The following SEMA6D variants were observed in gnomAD, a reference collection of about 807,000 sequenced individuals.
SEMA6D encodes semaphorin-6D.
A neutral mutation model predicts 106.6 loss-of-function variants in SEMA6D; 35 were observed. That is an observed-to-expected ratio of 0.33 (90% CI 0.25 to 0.44). SEMA6D has a LOEUF of 0.44. Among genes scored for constraint, SEMA6D ranks in the 20% least tolerant of loss-of-function variants. The pLI, the probability that SEMA6D is intolerant of heterozygous loss-of-function variation, is 1.00. For missense variants in SEMA6D, 1,185 were observed against 1,345.9 expected (o/e 0.88, Z 1.87); for synonymous variants, 499 against 487.7 (o/e 1.02, Z -0.31).
chr15:47,364,795 A>C (rs2038953172), intron 1 of SEMA6D, among the ~76,000 whole-genome samples: 1 of 148,676 alleles, frequency 6.7e-6, no homozygotes, highest in East Asian at 2.0e-4. Context: ...GATTCAGGAC[A>C]CAAATGATTC....
intron 2 of SEMA6D, among the ~76,000 whole-genome samples, chr15:47,465,515 C>G (rs1345478350): frequency 1.3e-5 from 2 of 152,168 alleles, no homozygotes; most frequent in African/African-American, 4.8e-5. Flanking sequence ...TGTGTCCCCA[C>G]CCAAATCTCA....
chr15:47,529,603 T>TA (rs67339779), intron 3 of SEMA6D, among the ~76,000 whole-genome samples: 78,421 of 135,614 alleles, frequency 0.58, 23,032 homozygotes, highest in South Asian at 0.66. Context: ...TCTGTAGCAC[T>TA]AAAAAAAAAA....
intron 1 of SEMA6D, among the ~76,000 whole-genome samples, chr15:47,230,708 C>T (rs1456743877): frequency 6.6e-6 from 1 of 151,952 alleles, no homozygotes; most frequent in Non-Finnish European, 1.5e-5. Flanking sequence ...GTAATAAATG[C>T]ACATTCTTAG....
In SEMA6D at chr15:47,450,330, G is replaced by C. The variant is rs540278711; in HGVS notation, c.-158-20144G>C. On this transcript the variant is annotated intron_variant, in intron 2 of 19. Coordinates refer to the SEMA6D transcript ENST00000558014. ...GCCTATGATGTGCTAGATGATACTG[G>C]AATGCAATGCTCCCACCTCCAGTAT... 2.0e-5 allele frequency among the ~76,000 whole-genome samples: 3 copies of C among 152,138 alleles called. No individual in the cohort carries two copies. The South Asian group carries it at 6.2e-4, about 32-fold the overall frequency.
intron 4 of SEMA6D, among the ~76,000 whole-genome samples, chr15:47,616,762 C>T (rs544708126): frequency 1.3e-5 from 2 of 152,114 alleles, no homozygotes; most frequent in Non-Finnish European, 2.9e-5. Context: ...GACTGTACAC[C>T]CAGTGTTGTA....
At chr15:47,711,362 A>C (rs1422705893) in intron 4 of SEMA6D, among the ~76,000 whole-genome samples, 1 of 151,412 alleles carries the variant, frequency 6.6e-6, no homozygotes, top group East Asian at 1.9e-4. Flanking sequence ...TTACTCGCTG[A>C]CTGGCAATTG....
At chr15:47,586,330 A>G (rs1201662174) in intron 3 of SEMA6D, among the ~76,000 whole-genome samples, 1 of 152,220 alleles carries the variant, frequency 6.6e-6, no homozygotes, top group East Asian at 1.9e-4. Context: ...CAGCACTTTA[A>G]TTTAGAAGAT....
intron 4 of SEMA6D, among the ~76,000 whole-genome samples, chr15:47,699,569 C>A (rs567041881): frequency 6.6e-6 from 1 of 152,264 alleles, no homozygotes; most frequent in Non-Finnish European, 1.5e-5. Flanking sequence ...ACATAAGCTA[C>A]CAGCAACAGA....
chr15:47,611,832 T>C (rs1423588885), intron 4 of SEMA6D, among the ~76,000 whole-genome samples: 1 of 152,202 alleles, frequency 6.6e-6, no homozygotes, highest in Non-Finnish European at 1.5e-5. Flanking sequence ...TTGGAGAGAC[T>C]GTGGTTTTGA....
chr15:47,700,640 A>G lies in SEMA6D; in HGVS notation c.-54-59105A>G, dbSNP rs573178907. On this transcript the variant is annotated intron_variant, in intron 4 of 19. Transcript: ENST00000558014. ...AGAATAGCCTATTGAAGGAGAAAGTATAGACTAGGTGCAGTGGCATGCACC... is the reference window on the plus strand; with the variant it reads ...AGAATAGCCTATTGAAGGAGAAAGTGTAGACTAGGTGCAGTGGCATGCACC... Among the ~76,000 whole-genome samples the G allele has an allele frequency of 5.1e-4, 77 of 152,352 alleles. 2 individuals are homozygous for G. In the South Asian group the frequency reaches 0.016, roughly 31 times the overall value.
chr15:47,768,523 CCAAT>C, intron 17 of SEMA6D, 54 bp from the exon 18 acceptor site: 6 of 1,376,856 alleles, frequency 4.4e-6, no homozygotes, highest in Non-Finnish European at 5.9e-6. Context: ...ATGCAACAGA[CCAAT>C]CAAAAAAAAT....
chr15:47,505,100 G>C (rs1306305521), intron 3 of SEMA6D, among the ~76,000 whole-genome samples: 1 of 152,146 alleles, frequency 6.6e-6, no homozygotes, highest in Non-Finnish European at 1.5e-5. Context: ...TAAGAGAGGA[G>C]ATCAGGCCTT....
chr15:47,331,118 A>G (rs1385402395), intron 1 of SEMA6D, among the ~76,000 whole-genome samples: 3 of 152,192 alleles, frequency 2.0e-5, no homozygotes, highest in African/African-American at 4.8e-5. Context: ...ATTTCACAGT[A>G]TACTCTACCA....
intron 1 of SEMA6D, among the ~76,000 whole-genome samples, chr15:47,239,258 T>C (rs2032753812): frequency 6.6e-6 from 1 of 152,176 alleles, no homozygotes; most frequent in African/African-American, 2.4e-5. Context: ...GATGGGACCG[T>C]GTAGTTGCAG....
At chr15:47,289,557 T>G (rs1241428059) in intron 1 of SEMA6D, among the ~76,000 whole-genome samples, 1 of 152,058 alleles carries the variant, frequency 6.6e-6, no homozygotes, top group Non-Finnish European at 1.5e-5. Context: ...AAAGTGAGGC[T>G]TCAGGGAAAG....
chr15:47,342,731 G>C (rs769189875), intron 1 of SEMA6D, among the ~76,000 whole-genome samples: 2 of 151,868 alleles, frequency 1.3e-5, no homozygotes, highest in Non-Finnish European at 2.9e-5. Flanking sequence ...ATTTTTTTAA[G>C]ACAGTGTCTC....
At chr15:47,695,846 C>T in intron 4 of SEMA6D, among the ~76,000 whole-genome samples, 1 of 152,014 alleles carries the variant, frequency 6.6e-6, no homozygotes, top group East Asian at 1.9e-4. Context: ...TGTGATAAAC[C>T]AAGCTGACAT....
chr15:47,528,686 A>G (rs1337744631), intron 3 of SEMA6D, among the ~76,000 whole-genome samples: 3 of 152,192 alleles, frequency 2.0e-5, no homozygotes, highest in Non-Finnish European at 4.4e-5. Context: ...AGTTTGACAT[A>G]TTATTTCCTC....
chr15:47,641,322 G>T (rs914442431), intron 4 of SEMA6D, among the ~76,000 whole-genome samples: 3 of 152,236 alleles, frequency 2.0e-5, no homozygotes, highest in Admixed American at 6.5e-5. Flanking sequence ...CGAGAACTGA[G>T]TGTGTTGGCA....
Sources: allele counts gnomAD v4.1 joint callset (sites outside exome capture counted in the v4.1 genomes callset), GRCh38; gene constraint gnomAD v4.1.1; transcripts MANE v1.5; gene names NCBI Gene and HGNC (gene_info 2026-07-23, HGNC 2026-07-21).